The following PCDHGA5 variants were observed in gnomAD, a reference collection of about 807,000 sequenced individuals.
PCDHGA5 encodes the protein protocadherin gamma subfamily A, 5.
PCDHGA5 carries 36 observed loss-of-function variants against 56.7 expected under a neutral mutation model. The ratio of observed to expected loss-of-function variants is 0.64; its 90% CI spans 0.49 to 0.84. PCDHGA5 has a LOEUF of 0.84. Ranked by LOEUF, PCDHGA5 falls within the 40% of genes least tolerant of loss-of-function variation. The pLI is 0.00. For missense variants in PCDHGA5, 1,305 were observed against 1,201.5 expected, an observed-to-expected ratio of 1.09 and a Z score of -1.27; for synonymous variants, 563 against 520.2, an observed-to-expected ratio of 1.08 and a Z score of -1.12.
chr5:141,379,424 G>C (rs1775590923), intron 1 of PCDHGA5: 1 of 152,218 alleles, frequency 6.6e-6, no homozygotes, highest in Non-Finnish European at 1.5e-5. Context: ...TCATGAGTTA[G>C]ATGGGCTGTT....
intron 1 of PCDHGA5, chr5:141,396,045 C>G (rs2093338007): frequency 6.6e-6 from 1 of 152,166 alleles, no homozygotes; most frequent in Non-Finnish European, 1.5e-5. Context: ...TATTTCAATA[C>G]AATTCCAATT....
intron 1 of PCDHGA5, chr5:141,413,123 AAACACAC>A (rs2095606041): frequency 2.0e-6 from 3 of 1,526,818 alleles, no homozygotes; most frequent in Middle Eastern, 3.6e-4. Context: ...GAACCGGTTG[AAACACAC>A]AACGTGTCCA....
At chr5:141,459,137 G>C (rs1336232891) in intron 1 of PCDHGA5, among the ~76,000 whole-genome samples, 1 of 152,190 alleles carries the variant, frequency 6.6e-6, no homozygotes, top group Non-Finnish European at 1.5e-5. Context: ...TAACCACCAT[G>C]CAATCAAAAT....
chr5:141,458,409 G>C (rs188300064), intron 1 of PCDHGA5, among the ~76,000 whole-genome samples: 1 of 152,244 alleles, frequency 6.6e-6, no homozygotes, highest in African/African-American at 2.4e-5. Context: ...GAGACGGAGC[G>C]GGGGTTCCAA....
Position 141,485,256 on chromosome 5 carries a change from G to A in PCDHGA5, c.2422-9551G>A, listed in dbSNP as rs770176450. The A allele has an allele frequency of 6.2e-7, 1 of 1,614,186 alleles. No homozygotes were observed. Among genetic ancestry groups the A allele is most frequent in the Non-Finnish European group, 8.5e-7 (1 of 1,179,996 alleles). On this transcript the variant is annotated intron_variant, in intron 1 of 3. Transcript: ENST00000518069. The surrounding 1 kb of genome is among the most constrained non-coding windows in gnomAD (Gnocchi z 5.7). ...CTCTTTTACCACCTGGGTTACGTTTGTGGGCAGATCCGCTACCCGGTCCCA... is the reference window on the plus strand; with the variant it reads ...CTCTTTTACCACCTGGGTTACGTTTATGGGCAGATCCGCTACCCGGTCCCA...
intron 1 of PCDHGA5, among the ~76,000 whole-genome samples, chr5:141,380,341 G>A (rs1359705635): frequency 6.6e-6 from 1 of 152,024 alleles, no homozygotes; most frequent in Non-Finnish European, 1.5e-5. Context: ...TCAAAGAACT[G>A]TTTTGTTGTT....
In PCDHGA5 at chr5:141,489,782, A is replaced by C. The variant is rs770399288; in HGVS notation, c.2422-5025A>C. On this transcript the variant is annotated intron_variant, in intron 1 of 3. Coordinates refer to ENST00000518069, the MANE Select transcript of PCDHGA5 (RefSeq NM_018918.3). The surrounding 1 kb of genome is among the most constrained non-coding windows in gnomAD (Gnocchi z 4.5). ...AGCCCCAACAGCCACTTCTCTCTGA[A>C]TGTGAAGACCCTAAAAGATGGGAAG... 2 of 1,614,078 alleles carry C rather than the reference A, an allele frequency of 1.2e-6. No homozygotes were observed. The highest frequency in any genetic ancestry group is 2.2e-5 in the East Asian group (1 of 44,894).
At chr5:141,375,794 G>A (rs754100940) in intron 1 of PCDHGA5, 1 of 1,614,170 alleles carries the variant, frequency 6.2e-7, no homozygotes, top group East Asian at 2.2e-5. Context: ...CCCCACAGAC[G>A]GTTCCACTGG....
intron 1 of PCDHGA5, chr5:141,419,942 G>A: frequency 6.2e-7 from 1 of 1,614,070 alleles, no homozygotes. Context: ...CCTGGTGGTG[G>A]CCTTGGCCTT....
In PCDHGA5 at chr5:141,388,840, C is replaced by A. The variant is rs764876092; in HGVS notation, c.2421+22089C>A. The stretch of plus-strand genomic sequence containing the variant: ...AAAGAATATTCCATAGTTTTGGAAG[C>A]AAGGGACGGTGGAGGAATGATTGCG... On this transcript the variant is annotated intron_variant, in intron 1 of 3. Coordinates refer to ENST00000518069, the MANE Select transcript of PCDHGA5 (RefSeq NM_018918.3). 4 of 1,613,900 alleles carry A rather than the reference C, an allele frequency of 2.5e-6. No homozygotes were observed. The South Asian group carries it at 4.4e-5, about 18-fold the overall frequency.
At chr5:141,456,142 C>A (rs1258425044) in intron 1 of PCDHGA5, among the ~76,000 whole-genome samples, 1 of 152,052 alleles carries the variant, frequency 6.6e-6, no homozygotes, top group Non-Finnish European at 1.5e-5. Flanking sequence ...CCTGATCCGC[C>A]CGCCTCGGCC....
intron 1 of PCDHGA5, among the ~76,000 whole-genome samples, chr5:141,452,947 G>C (rs2098752833): frequency 6.6e-6 from 1 of 152,144 alleles, no homozygotes; most frequent in Non-Finnish European, 1.5e-5. Flanking sequence ...GCTTGCAATT[G>C]GTTGTCTTTA....
chr5:141,422,853 C>T (rs746989617), intron 1 of PCDHGA5: 8 of 1,614,264 alleles, frequency 5.0e-6, no homozygotes, highest in South Asian at 3.3e-5. Flanking sequence ...GGGACCCGCC[C>T]CTCAGCAGCA....
In PCDHGA5 at chr5:141,364,203, C is replaced by G. The variant is rs1763215170; in HGVS notation, c.-128C>G. 2 of 1,152,828 alleles carry G rather than the reference C, an allele frequency of 1.7e-6. No homozygotes were observed. The highest frequency in any genetic ancestry group is 1.2e-6 in the Non-Finnish European group (1 of 839,672). The allele number at this position is 1,152,828 out of a possible 1,614,324, so 71.4% of individuals were successfully genotyped here. A position where few individuals can be genotyped will look rare whatever the true frequency, so the allele number is the denominator to read the frequency against. Reference sequence around the variant, plus strand: ...CTCCATACTAAACACACAGACCAGACAAGCTCCTACGAAAAGCCAACGCTC... The same window carrying G: ...CTCCATACTAAACACACAGACCAGAGAAGCTCCTACGAAAAGCCAACGCTC... On this transcript the variant is annotated 5_prime_UTR_variant, in exon 1 of 4. Transcript: ENST00000518069.
rs2099884413 is a variant in PCDHGA5, at chr5:141,512,781, G to A, written c.*1608G>A. ...CCTTGATCTGCCCGCGGCGGCCCGT[G>A]TTGTGTTTTGTGCTGTGTCCACGCG... is the stretch of plus-strand genomic sequence containing the variant. On this transcript the variant is annotated 3_prime_UTR_variant, in exon 4 of 4. Transcript: ENST00000518069. 1 of 152,534 alleles carries A rather than the reference G, an allele frequency of 6.6e-6. No individual in the cohort carries two copies. Among genetic ancestry groups the A allele is most frequent in the African/African-American group, 2.4e-5 (1 of 41,444 alleles). 9.4% of individuals were successfully genotyped at this position (152,534 alleles called of 1,614,324 possible). A position where few individuals can be genotyped will look rare whatever the true frequency, so the allele number is the denominator to read the frequency against.
chr5:141,474,260 A>G (rs1459875243), intron 1 of PCDHGA5, among the ~76,000 whole-genome samples: 1 of 152,170 alleles, frequency 6.6e-6, no homozygotes, highest in Non-Finnish European at 1.5e-5. Flanking sequence ...AGACTGATAA[A>G]CCAGTGTATC....
chr5:141,413,024 C>A, intron 1 of PCDHGA5: 2 of 736,250 alleles, frequency 2.7e-6, no homozygotes, highest in Non-Finnish European at 4.2e-6. Flanking sequence ...ACAAGCCCCA[C>A]AAACCGGCTG....
Position 141,394,592 on chromosome 5 carries a change from G to A in PCDHGA5, c.2421+27841G>A, listed in dbSNP as rs754585576. The A allele has an allele frequency of 3.3e-4, 534 of 1,613,642 alleles. 1 individual carries two copies. Among genetic ancestry groups the A allele is most frequent in the Non-Finnish European group, 4.3e-4 (502 of 1,180,046 alleles). On this transcript the variant is annotated intron_variant, in intron 1 of 3. Coordinates refer to ENST00000518069, the MANE Select transcript of PCDHGA5 (RefSeq NM_018918.3). ...GCTACCTGGTGACCAAGGTGGTGGC[G>A]GTGGACAGAGACTCGGGCCAGAACG...
intron 1 of PCDHGA5, chr5:141,415,797 C>G (rs940812419): frequency 3.9e-5 from 52 of 1,331,434 alleles, no homozygotes; most frequent in Non-Finnish European, 4.8e-5. Context: ...TTCACCTAGT[C>G]TCAATCAAGG....
Sources: gnomAD v4.1 joint callset for allele counts (sites outside exome capture counted in the v4.1 genomes callset) on GRCh38, gnomAD v4.1.1 for gene constraint, Gnocchi (gnomAD v3.1) non-coding constraint, MANE v1.5 for transcripts, NCBI Gene and HGNC (gene_info 2026-07-23, HGNC 2026-07-21) for gene names.